Variants in FRMPD4 observed in about 807,000 individuals in gnomAD.
FRMPD4 encodes FERM and PDZ domain-containing protein 4.
A neutral mutation model predicts 94.1 loss-of-function variants in FRMPD4; 22 were observed. The observed-to-expected ratio is 0.23, with a 90% CI of 0.17 to 0.33. The LOEUF is 0.33. Among genes scored for constraint, FRMPD4 ranks in the 10% least tolerant of loss-of-function variants. FRMPD4 has a pLI of 1.00. For synonymous variants in FRMPD4, 631 were observed against 548.6 expected (o/e 1.15, Z -2.10); for missense variants, 1,111 against 1,339.9 (o/e 0.83, Z 2.67).
At chrX:12,069,895 A>T (rs1340671756) in intron 3 of FRMPD4, among the ~76,000 whole-genome samples, 2 of 109,825 alleles carry the variant, frequency 1.8e-5, no homozygotes, top group Non-Finnish European at 3.8e-5. Context: ...GTGACCTTGT[A>T]TGAGTAGTCT....
chrX:12,671,062 C>A (rs151204672), intron 4 of FRMPD4, among the ~76,000 whole-genome samples: 2 of 111,586 alleles, frequency 1.8e-5, no homozygotes, highest in Admixed American at 1.9e-4. Flanking sequence ...GTTAGAATGG[C>A]GATCATTAAA....
At chrX:12,324,024 T>C (rs1197804158) in intron 1 of FRMPD4, among the ~76,000 whole-genome samples, 1 of 111,689 alleles carries the variant, frequency 9.0e-6, no homozygotes, top group African/African-American at 3.3e-5. Flanking sequence ...AAGGAAGACA[T>C]AAGAATCTGT....
chrX:12,149,942 G>A (rs1284277403), intron 1 of FRMPD4, among the ~76,000 whole-genome samples: 1 of 104,529 alleles, frequency 9.6e-6, no homozygotes, highest in Admixed American at 9.7e-5. Flanking sequence ...GAAATATGAC[G>A]ACTCACTAAA....
At position 12,710,563 on chromosome X, in the gene FRMPD4, C is replaced by T. The variant is rs1356358722; in HGVS notation, c.1609+26C>T. The T allele has an allele frequency of 2.6e-6, 3 of 1,162,501 alleles. No homozygotes were observed. In the South Asian group the frequency reaches 5.6e-5, roughly 22 times the overall value. Reference sequence around the variant, plus strand: ...GTATTCTCTTCCTGAACTCATCAAGCACTGACCTCCCTGCAAACACCCCAC... The same window carrying T: ...GTATTCTCTTCCTGAACTCATCAAGTACTGACCTCCCTGCAAACACCCCAC... On this transcript the variant is annotated intron_variant, in intron 14 of 16. Transcript: ENST00000675598.
At chrX:12,464,043 G>T (rs2057424251) in intron 1 of FRMPD4, among the ~76,000 whole-genome samples, 1 of 111,241 alleles carries the variant, frequency 9.0e-6, no homozygotes. Context: ...GAGACCACAT[G>T]GCCTAAAATA....
At position 12,275,575 on chromosome X, in the gene FRMPD4, GGT is replaced by G. The variant is rs1181068462; in HGVS notation, c.41+136569_41+136570del. Reference sequence around the variant, plus strand: ...CTTTCATTGATGGGTGACATTCGAAGGTGTGTGGATGCAGTAAGATGGAATTT... The same window carrying G: ...CTTTCATTGATGGGTGACATTCGAAGGTGTGGATGCAGTAAGATGGAATTT... On this transcript the variant is annotated intron_variant, in intron 1 of 16. Transcript: ENST00000675598. Among the ~76,000 whole-genome samples, 19 of 108,947 alleles carry G rather than the reference GGT, an allele frequency of 1.7e-4. No individual in the cohort carries two copies. In the Admixed American group the frequency reaches 1.9e-3, roughly 11 times the overall value. The allele number at this position is 108,947 out of a possible 115,157, so 94.6% of individuals were successfully genotyped here. A position where few individuals can be genotyped will look rare whatever the true frequency, so the allele number is the denominator to read the frequency against.
intron 1 of FRMPD4, among the ~76,000 whole-genome samples, chrX:12,270,138 A>T (rs2054332858): frequency 8.9e-6 from 1 of 111,858 alleles, no homozygotes; most frequent in South Asian, 3.7e-4. Context: ...TCTACTGGCT[A>T]TGGGCCACAT....
Position 12,231,007 on chromosome X carries a change from ATAG to A in FRMPD4, c.41+91998_41+92000del, listed in dbSNP as rs1272784099. On this transcript the variant is annotated intron_variant, in intron 1 of 16. Coordinates refer to ENST00000675598, the MANE Select transcript of FRMPD4 (RefSeq NM_001368397.1). ...ATAGTATATATAGTATATATAATAT[ATAG>A]TATATATAGTATATATATAGTATAT... 1.4e-3 allele frequency among the ~76,000 whole-genome samples: 71 copies of A among 50,123 alleles called. 2 individuals carry two copies. The highest frequency in any genetic ancestry group is 4.9e-3 in the African/African-American group (69 of 14,215). 43.5% of individuals were successfully genotyped at this position (50,123 alleles called of 115,157 possible). A position where few individuals can be genotyped will look rare whatever the true frequency, so the allele number is the denominator to read the frequency against.
At chrX:11,945,755 G>T (rs1334729909) in intron 3 of FRMPD4, among the ~76,000 whole-genome samples, 1 of 111,447 alleles carries the variant, frequency 9.0e-6, no homozygotes, top group Non-Finnish European at 1.9e-5. Context: ...TCATTACCAA[G>T]AGGATGGCAT....
intron 1 of FRMPD4, among the ~76,000 whole-genome samples, chrX:12,417,726 C>T: frequency 9.3e-6 from 1 of 107,814 alleles, no homozygotes; most frequent in Non-Finnish European, 1.9e-5. Context: ...AAACATTGTT[C>T]TGGCCAGGCA....
intron 1 of FRMPD4, among the ~76,000 whole-genome samples, chrX:11,851,034 C>T (rs145814967): frequency 0.013 from 1,417 of 111,599 alleles, 24 homozygotes; most frequent in African/African-American, 0.044. Context: ...CATAGTGAAG[C>T]TATTGATGTT....
chrX:12,186,925 T>C (rs1245528177), intron 1 of FRMPD4, among the ~76,000 whole-genome samples: 1 of 112,258 alleles, frequency 8.9e-6, no homozygotes, highest in Non-Finnish European at 1.9e-5. Context: ...GCAAAAGCCA[T>C]GCACAGTAGG....
At chrX:11,988,333 G>A (rs1483773222) in intron 3 of FRMPD4, among the ~76,000 whole-genome samples, 2 of 111,766 alleles carry the variant, frequency 1.8e-5, no homozygotes, top group Non-Finnish European at 3.8e-5. Context: ...AAATACATTA[G>A]GGGAAAAGAC....
chrX:12,220,152 G>GCAACAACAGCAA (rs1322102381), intron 1 of FRMPD4, among the ~76,000 whole-genome samples: 3 of 106,531 alleles, frequency 2.8e-5, no homozygotes, highest in Middle Eastern at 4.7e-3. Context: ...AACAACAACA[G>GCAACAACAGCAA]CAACAACAAC....
At chrX:12,510,644 C>T (rs2058033420) in intron 2 of FRMPD4, among the ~76,000 whole-genome samples, 1 of 112,154 alleles carries the variant, frequency 8.9e-6, no homozygotes, top group Non-Finnish European at 1.9e-5. Flanking sequence ...CAATGTAAAA[C>T]CAAGAAGGAA....
At chrX:11,964,326 A>AT (rs929239311) in intron 3 of FRMPD4, among the ~76,000 whole-genome samples, 12 of 109,904 alleles carry the variant, frequency 1.1e-4, no homozygotes, top group South Asian at 8.1e-4. Flanking sequence ...CACCTGGCTA[A>AT]TTTTTTTGTA....
At chrX:12,436,908 TTTAAAA>T (rs1183813171) in intron 1 of FRMPD4, among the ~76,000 whole-genome samples, 8 of 111,962 alleles carry the variant, frequency 7.1e-5, no homozygotes, top group African/African-American at 2.6e-4. Flanking sequence ...AAATTAGATC[TTTAAAA>T]TTAAGAGAGA....
At chrX:11,914,456 C>T (rs2054013561) in intron 3 of FRMPD4, among the ~76,000 whole-genome samples, 1 of 110,054 alleles carries the variant, frequency 9.1e-6, no homozygotes. Flanking sequence ...AAAGTTTGAG[C>T]ATGCAAGTCT....
At chrX:12,641,754 G>A (rs1401393724) in intron 4 of FRMPD4, among the ~76,000 whole-genome samples, 2 of 112,372 alleles carry the variant, frequency 1.8e-5, no homozygotes, top group Admixed American at 9.4e-5. Context: ...AAAGATCATT[G>A]CTGTAAAGGA....
Sources: allele counts gnomAD v4.1 joint callset (sites outside exome capture counted in the v4.1 genomes callset), GRCh38; gene constraint gnomAD v4.1.1; transcripts MANE v1.5; gene names NCBI Gene and HGNC (gene_info 2026-07-23, HGNC 2026-07-21).